THOC1: variants seen among roughly 807,000 people sequenced by gnomAD.
THOC1 encodes THO complex subunit 1.
In THOC1, 29 loss-of-function variants were observed where a neutral mutation model predicts 97.3. The observed-to-expected ratio is 0.30, with a 90% confidence interval of 0.22 to 0.41. The LOEUF (loss-of-function observed/expected upper bound fraction) is 0.41, where lower values mean the gene tolerates loss of function less well. THOC1 is among the 10% of genes least tolerant of loss of function. The pLI is 1.00. For synonymous variants in THOC1, 255 were observed against 257.0 expected (o/e 0.99, Z 0.07); for missense variants, 529 against 761.9 (o/e 0.69, Z 3.60).
At chr18:246,630 T>C (rs1912097166) in intron 10 of THOC1, among the ~76,000 whole-genome samples, 175 bp from the exon 11 acceptor site, 1 of 152,126 alleles carries the variant, frequency 6.6e-6, no homozygotes, top group South Asian at 2.1e-4. Context: ...AACTATTTTG[T>C]ATGATATTTC....
chr18:241,382 C>G (rs1287618811), intron 11 of THOC1, among the ~76,000 whole-genome samples: 1 of 152,188 alleles, frequency 6.6e-6, no homozygotes, highest in African/African-American at 2.4e-5. Context: ...CTGCCAGGAA[C>G]TTTTTTTTAA....
intron 7 of THOC1, among the ~76,000 whole-genome samples, chr18:255,745 A>G (rs1251180172): frequency 2.6e-5 from 4 of 152,232 alleles, no homozygotes; most frequent in African/African-American, 9.6e-5. Flanking sequence ...TAGGACTTTC[A>G]TAGCTAGAGA....
In THOC1 at chr18:229,518, TAA is replaced by T. The variant is rs11302172; in HGVS notation, c.919-2619_919-2618del. Among the ~76,000 whole-genome samples the T allele has an allele frequency of 5.7e-3, 840 of 148,350 alleles. 2 individuals are homozygous for T. The highest frequency in any genetic ancestry group is 0.017 in the African/African-American group (686 of 40,556). On this transcript the variant is annotated intron_variant, in intron 11 of 20. Transcript: ENST00000261600. ...AACATGGTGAAACCCCGTCTCTATTTAAAAAAAAAAAAAATTAGCGGGGCGTG... is the reference window on the plus strand; with the variant it reads ...AACATGGTGAAACCCCGTCTCTATTTAAAAAAAAAAAATTAGCGGGGCGTG...
intron 15 of THOC1, among the ~76,000 whole-genome samples, chr18:224,690 C>A (rs537537884): frequency 0.03 from 4,604 of 152,014 alleles, 213 homozygotes; most frequent in African/African-American, 0.1. Context: ...CAGTATTCTT[C>A]TCAATAATAA....
Position 214,812 on chromosome 18 carries a change from G to GTCT in THOC1, c.1785_1787dup (p.Lys595_Asp596insGlu). On this transcript the variant is annotated inframe_insertion, in exon 21 of 21. Transcript: ENST00000261600. ...CACACTCAATCTGCCTAATTTCTGA[G>GTCT]TCTTTCATTTCCAAGTAGGGAGCCA... is the stretch of plus-strand genomic sequence containing the variant. 3 of 1,613,900 alleles carry GTCT rather than the reference G, an allele frequency of 1.9e-6. No individual in the cohort carries two copies. The highest frequency in any genetic ancestry group is 2.5e-6 in the Non-Finnish European group (3 of 1,179,850).
At chr18:237,807 G>A (rs1307818994) in intron 11 of THOC1, among the ~76,000 whole-genome samples, 2 of 152,088 alleles carry the variant, frequency 1.3e-5, no homozygotes, top group African/African-American at 2.4e-5. Flanking sequence ...TTTGGTTTCT[G>A]AGAAAAAGAA....
rs1283205176 is a variant in THOC1 at position 224,983 on chromosome 18, G to A, written c.1149C>T (p.Asn383=). 2 of 1,572,686 alleles carry A rather than the reference G, an allele frequency of 1.3e-6. No homozygotes were observed. The highest frequency in any genetic ancestry group is 2.3e-5 in the South Asian group (2 of 86,058). ...TCCACGAGTTCCAGTTTTCTTCAGT[G>A]TTTAATATATGCTGGGAAAAACAAA... The part of the protein sequence containing the change: ...RFSKMVEHIL[N]TEENWNSWKN... The change falls in exon 15 of 21, where the codon AAC becomes AAT. Residue 383 remains asparagine (N), a synonymous_variant. Coordinates refer to ENST00000261600, the MANE Select transcript of THOC1 (RefSeq NM_005131.3).
chr18:253,540 C>T (rs1452546524), intron 8 of THOC1, among the ~76,000 whole-genome samples: 4 of 152,122 alleles, frequency 2.6e-5, no homozygotes, highest in African/African-American at 9.7e-5. Context: ...TACATATACA[C>T]AAAAAGTCCT....
chr18:266,294 A>C (rs952249453), intron 1 of THOC1, among the ~76,000 whole-genome samples: 1 of 152,218 alleles, frequency 6.6e-6, no homozygotes, highest in Admixed American at 6.5e-5. Context: ...TAACAGGCTG[A>C]GTAATTTGGG....
Position 254,884 on chromosome 18 carries a change from T to C in THOC1, c.521-529A>G, listed in dbSNP as rs1001732895. On this transcript the variant is annotated intron_variant, in intron 7 of 20. Coordinates refer to ENST00000261600, the MANE Select transcript of THOC1 (RefSeq NM_005131.3). The surrounding 1 kb of genome is among the most constrained non-coding windows in gnomAD (Gnocchi z 4.1). The stretch of plus-strand genomic sequence containing the variant: ...AGGCTGCAGTGCAGTGGCATGATCA[T>C]GGCTCACTGCAAGTTCAGCTTCCCA... Among the ~76,000 whole-genome samples the C allele has an allele frequency of 3.3e-5, 5 of 151,870 alleles. No individual in the cohort carries two copies. The highest frequency in any genetic ancestry group is 2.0e-4 in the Admixed American group (3 of 15,236).
intron 18 of THOC1, among the ~76,000 whole-genome samples, chr18:217,348 A>T (rs1037787649): frequency 6.6e-6 from 1 of 152,240 alleles, no homozygotes; most frequent in Non-Finnish European, 1.5e-5. Flanking sequence ...TTCCTCTCTG[A>T]CATATCTGTT....
intron 4 of THOC1, among the ~76,000 whole-genome samples, chr18:262,992 G>T (rs1567858247): frequency 6.6e-6 from 1 of 152,166 alleles, no homozygotes; most frequent in Non-Finnish European, 1.5e-5. Context: ...TTTACCCGAA[G>T]TCTTCTAAAG....
intron 11 of THOC1, chr18:244,520 T>C (rs1312458617): frequency 5.3e-5 from 8 of 152,254 alleles, no homozygotes; most frequent in Non-Finnish European, 1.0e-4. Context: ...TTAATATTTC[T>C]CTACTGTCTT....
At chr18:244,063 T>C (rs1201690251) in intron 11 of THOC1, among the ~76,000 whole-genome samples, 12 of 152,122 alleles carry the variant, frequency 7.9e-5, no homozygotes, top group Non-Finnish European at 1.6e-4. Flanking sequence ...ACCCTTTTAA[T>C]ATACATGAAA....
intron 11 of THOC1, among the ~76,000 whole-genome samples, chr18:243,557 T>A (rs1911985952): frequency 6.6e-6 from 1 of 151,812 alleles, no homozygotes; most frequent in Non-Finnish European, 1.5e-5. Context: ...TATATATATA[T>A]ATATCAATTA....
chr18:234,271 T>C (rs1911596591), intron 11 of THOC1, among the ~76,000 whole-genome samples: 2 of 152,208 alleles, frequency 1.3e-5, no homozygotes. Context: ...CTTACTCCTT[T>C]TTTGTTTTTT....
intron 11 of THOC1, among the ~76,000 whole-genome samples, chr18:227,818 G>A (rs370428681): frequency 6.8e-4 from 104 of 152,176 alleles, no homozygotes; most frequent in South Asian, 1.2e-3. Context: ...TCGAAGATTG[G>A]TTTTGGTTCA....
intron 11 of THOC1, among the ~76,000 whole-genome samples, chr18:239,688 A>C (rs2143225798): frequency 6.6e-6 from 1 of 152,356 alleles, no homozygotes; most frequent in East Asian, 1.9e-4. Context: ...GAAATAAATC[A>C]GTTAATGTTT....
At position 218,946 on chromosome 18, in the gene THOC1, T is replaced by C. The variant is rs1380081623; in HGVS notation, c.1394A>G (p.Glu465Gly). The C allele has an allele frequency of 1.9e-6, 3 of 1,605,136 alleles. No individual in the cohort carries two copies. The highest frequency in any genetic ancestry group is 2.6e-6 in the Non-Finnish European group (3 of 1,175,196). Residue 465 changes from glutamate to glycine, a missense_variant, in exon 18 of 21, where the codon GAA becomes GGA. By Grantham distance (98) the Glu-to-Gly change is moderately conservative (BLOSUM62 -2). Around this residue, in one of 8 missense-constraint regions of THOC1, gnomAD observed 123 missense variants for 159.0 expected, o/e 0.77. Transcript: ENST00000261600. ...ETREHMPTLEEFFEEAIEQAD... is the reference protein window; with the variant it reads ...ETREHMPTLEGFFEEAIEQAD... ...CTGTTCAATGGCTTCTTCAAAGAAT[T>C]CCTCCAAAGTGGGCATGTGTTCCCT...
Sources: allele counts gnomAD v4.1 joint callset (sites outside exome capture counted in the v4.1 genomes callset), GRCh38; gene constraint gnomAD v4.1.1; regional missense constraint gnomAD v4.1.1; non-coding constraint Gnocchi (gnomAD v3.1); transcripts MANE v1.5; gene names NCBI Gene and HGNC (gene_info 2026-07-23, HGNC 2026-07-21).